The following DTWD1 variants were observed in gnomAD, a reference collection of about 807,000 sequenced individuals.
The protein encoded by DTWD1 is tRNA-uridine aminocarboxypropyltransferase 1.
Under a neutral mutation model 30.2 loss-of-function variants are expected in DTWD1, and 27 were observed. The observed-to-expected ratio is 0.90, with a 90% CI of 0.66 to 1.23. DTWD1 has a LOEUF of 1.23. Ranked by LOEUF, DTWD1 falls within the 50% of genes most tolerant of loss-of-function variation. The pLI is 0.00. For synonymous variants in DTWD1, 99 were observed against 113.1 expected (o/e 0.88, Z 0.79); for missense variants, 342 against 348.8 (o/e 0.98, Z 0.15).
Position 49,648,849 on chromosome 15 carries a change from T to C in DTWD1, c.*5271T>C, listed in dbSNP as rs2079136296. The C allele has an allele frequency of 6.6e-6, 1 of 152,174 alleles. No homozygotes were observed. Among genetic ancestry groups the C allele is most frequent in the African/African-American group, 2.4e-5 (1 of 41,460 alleles). 9.4% of individuals were successfully genotyped at this position (152,174 alleles called of 1,614,324 possible). On this transcript the variant is annotated 3_prime_UTR_variant, in exon 5 of 5. Transcript: ENST00000403028. ...TAGCTAATCCAACAACGAGGCCTTA[T>C]TTTGGCTTTCTTTCGAAAGGTCATT...
chr15:49,625,006 A>G, intron 1 of DTWD1, 107 bp from the exon 2 acceptor site: 2 of 695,924 alleles, frequency 2.9e-6, no homozygotes, highest in South Asian at 3.9e-5. Context: ...TTTAATAAGT[A>G]CTAAAACAGC....
chr15:49,650,244 C>G lies in DTWD1; in HGVS notation c.*6666C>G, dbSNP rs748774620. The G allele has an allele frequency of 1.3e-5, 2 of 152,018 alleles. No homozygotes were observed. The highest frequency in any genetic ancestry group is 2.9e-5 in the Non-Finnish European group (2 of 68,014). The allele number at this position is 152,018 out of a possible 1,614,324, so 9.4% of individuals were successfully genotyped here. A position where few individuals can be genotyped will look rare whatever the true frequency, so the allele number is the denominator to read the frequency against. ...GCCATGGTAAGATGTTAAGATTTTACTCTGAGTGATGAGATAGGAAGCCAT... is the reference window on the plus strand; with the variant it reads ...GCCATGGTAAGATGTTAAGATTTTAGTCTGAGTGATGAGATAGGAAGCCAT... On this transcript the variant is annotated 3_prime_UTR_variant, in exon 5 of 5. Coordinates refer to ENST00000403028, the MANE Select transcript of DTWD1 (RefSeq NM_001144955.2).
chr15:49,628,549 A>G (rs1259646142), intron 2 of DTWD1, among the ~76,000 whole-genome samples: 1 of 150,322 alleles, frequency 6.7e-6, no homozygotes, highest in African/African-American at 2.5e-5. Flanking sequence ...TTTAGAGCCT[A>G]GAATTTAAAA....
chr15:49,643,704 C>T lies in DTWD1; in HGVS notation c.*126C>T, dbSNP rs2079094269. ...AGACCATTTGAAAAAATTCCAGTTTCATATATATCACTTCATATTTCTTGA... is the reference window on the plus strand; with the variant it reads ...AGACCATTTGAAAAAATTCCAGTTTTATATATATCACTTCATATTTCTTGA... On this transcript the variant is annotated 3_prime_UTR_variant, in exon 5 of 5. Coordinates refer to ENST00000403028, the MANE Select transcript of DTWD1 (RefSeq NM_001144955.2). The T allele has an allele frequency of 5.0e-6, 5 of 992,676 alleles. No homozygotes were observed. The highest frequency in any genetic ancestry group is 6.9e-6 in the Non-Finnish European group (5 of 723,706). 61.5% of individuals were successfully genotyped at this position (992,676 alleles called of 1,614,324 possible). A position where few individuals can be genotyped will look rare whatever the true frequency, so the allele number is the denominator to read the frequency against.
At chr15:49,641,148 A>G (rs549031955) in intron 4 of DTWD1, among the ~76,000 whole-genome samples, 11 of 152,158 alleles carry the variant, frequency 7.2e-5, no homozygotes, top group South Asian at 2.1e-4. Context: ...CTGATAATCT[A>G]TGTCTTTTAA....
intron 2 of DTWD1, 78 bp downstream of exon 2, chr15:49,625,509 A>G: frequency 8.0e-7 from 1 of 1,246,174 alleles, no homozygotes; most frequent in Non-Finnish European, 1.1e-6. Flanking sequence ...ACTCTAATTG[A>G]TAAACTTAAT....
chr15:49,626,798 T>C (rs927863066), intron 2 of DTWD1: 12 of 437,622 alleles, frequency 2.7e-5, no homozygotes, highest in South Asian at 1.6e-5. Flanking sequence ...TAAAATCACA[T>C]GTATAGGCTA....
rs1031765002 is a variant in DTWD1 at position 49,647,533 on chromosome 15, A to G, written c.*3955A>G. On this transcript the variant is annotated 3_prime_UTR_variant, in exon 5 of 5. Transcript: ENST00000403028. ...GAGCCTCGAAACATCACCAAATACC[A>G]TGAATGCATTAGGTATATTTTTTGT... 1.3e-5 allele frequency: 2 copies of G among 152,184 alleles called. No homozygotes were observed. Among genetic ancestry groups the G allele is most frequent in the Non-Finnish European group, 1.5e-5 (1 of 68,020 alleles). The allele number at this position is 152,184 out of a possible 1,614,324, so 9.4% of individuals were successfully genotyped here.
chr15:49,632,613 A>G (rs907232522), intron 3 of DTWD1, among the ~76,000 whole-genome samples: 1 of 152,078 alleles, frequency 6.6e-6, no homozygotes, highest in Non-Finnish European at 1.5e-5. Flanking sequence ...TGTTTGTGCT[A>G]CATATAGATG....
intron 4 of DTWD1, among the ~76,000 whole-genome samples, chr15:49,641,146 C>T (rs191091832): frequency 6.3e-4 from 96 of 152,078 alleles, no homozygotes; most frequent in Non-Finnish European, 1.3e-3. Flanking sequence ...ATCTGATAAT[C>T]TATGTCTTTT....
chr15:49,634,429 A>T, intron 3 of DTWD1, 107 bp from the exon 4 acceptor site: 1 of 1,286,688 alleles, frequency 7.8e-7, no homozygotes, highest in Non-Finnish European at 1.0e-6. Context: ...CCTAATGCTT[A>T]TTTCTCAGAT....
At position 49,643,561 on chromosome 15, in the gene DTWD1, G is replaced by A. The variant is rs1464562013; in HGVS notation, c.898G>A (p.Gly300Arg). The A allele has an allele frequency of 6.3e-7, 1 of 1,593,652 alleles. No individual in the cohort carries two copies. The highest frequency in any genetic ancestry group is 8.5e-7 in the Non-Finnish European group (1 of 1,173,024). The change falls in exon 5 of 5, where the codon GGA becomes AGA. Residue 300 changes from glycine to arginine, a missense_variant. Transcript: ENST00000403028. ...NAKCSGDKETGKLTH is the reference protein window; with the variant it reads ...NAKCSGDKETRKLTH Reference sequence around the variant, plus strand: ...CAAATGCTCTGGAGATAAGGAAACAGGAAAACTTACACATTAGTTTTTAAC... The same window carrying A: ...CAAATGCTCTGGAGATAAGGAAACAAGAAAACTTACACATTAGTTTTTAAC...
intron 4 of DTWD1, among the ~76,000 whole-genome samples, chr15:49,639,384 G>A (rs920768713): frequency 5.3e-5 from 8 of 152,012 alleles, no homozygotes; most frequent in African/African-American, 1.9e-4. Flanking sequence ...AACATAGCAA[G>A]GCCTACATCT....
At chr15:49,629,401 G>A (rs759342841) in intron 2 of DTWD1, among the ~76,000 whole-genome samples, 1 of 152,092 alleles carries the variant, frequency 6.6e-6, no homozygotes, top group Non-Finnish European at 1.5e-5. Flanking sequence ...TAACACTCCT[G>A]TGTTCTTGAT....
chr15:49,630,063 ATTATTC>A (rs1324393545), intron 2 of DTWD1: 2 of 152,216 alleles, frequency 1.3e-5, no homozygotes, highest in East Asian at 3.8e-4. Context: ...CCTCAAAATA[ATTATTC>A]TTAGCTAAAG....
In DTWD1 at chr15:49,643,397, A is replaced by T. The variant is rs779132532; in HGVS notation, c.734A>T (p.Asp245Val). Residue 245 changes from aspartate to valine, a missense_variant, in exon 5 of 5, where the codon GAT becomes GTT. By Grantham distance (152) the Asp-to-Val change is radical (BLOSUM62 -3). Transcript: ENST00000403028. ...TGGCGCCATCAAAAAGGAAAGCCAG[A>T]TACTTTCCTTTCTACAATTGAAGCC... ...CFWRHQKGKP[D>V]TFLSTIEAIY... is the part of the protein sequence containing the mutation. 1.3e-6 allele frequency: 2 copies of T among 1,598,896 alleles called. No individual in the cohort carries two copies. Among genetic ancestry groups the T allele is most frequent in the South Asian group, 2.3e-5 (2 of 87,848 alleles).
intron 4 of DTWD1, among the ~76,000 whole-genome samples, chr15:49,641,854 A>T (rs2079068786): frequency 6.6e-6 from 1 of 151,906 alleles, no homozygotes; most frequent in Admixed American, 6.6e-5. Flanking sequence ...CTTCTTTTAA[A>T]ATCTTCTCTT....
intron 1 of DTWD1, among the ~76,000 whole-genome samples, chr15:49,621,790 T>C (rs528391764): frequency 2.0e-5 from 3 of 152,236 alleles, no homozygotes; most frequent in African/African-American, 2.4e-5. Flanking sequence ...GGAGAGGCCA[T>C]TGATCCTATA....
In DTWD1 at chr15:49,625,402, G is replaced by A. The variant is rs781738592; in HGVS notation, c.235G>A (p.Val79Ile). The change falls in exon 2 of 5, where the codon GTA (valine) becomes ATA (isoleucine). Residue 79 changes from valine to isoleucine, a missense_variant. Coordinates refer to ENST00000403028, the MANE Select transcript of DTWD1 (RefSeq NM_001144955.2). Reference protein sequence around the residue: ...CYTCYVPVENVPIEQIPLVKL... With the variant: ...CYTCYVPVENIPIEQIPLVKL... Reference sequence around the variant, plus strand: ...TACATGTTATGTTCCAGTTGAAAATGTACCTATTGAACAGATTCCACTTGT... The same window carrying A: ...TACATGTTATGTTCCAGTTGAAAATATACCTATTGAACAGATTCCACTTGT... 1.4e-5 allele frequency: 23 copies of A among 1,613,508 alleles called. No individual in the cohort carries two copies. The South Asian group carries it at 2.4e-4, about 17-fold the overall frequency.
Sources: allele counts gnomAD v4.1 joint callset (sites outside exome capture counted in the v4.1 genomes callset), GRCh38; gene constraint gnomAD v4.1.1; transcripts MANE v1.5; gene names NCBI Gene and HGNC (gene_info 2026-07-23, HGNC 2026-07-21).